GPR173: variants seen among roughly 807,000 people sequenced by gnomAD.
GPR173 encodes the protein probable G protein-coupled receptor 173.
A neutral mutation model predicts 13.9 loss-of-function variants in GPR173; 2 were observed. That is an observed-to-expected ratio of 0.14 (90% CI 0.06 to 0.45). GPR173 has a LOEUF of 0.45. Among genes scored for constraint, GPR173 ranks in the 20% least tolerant of loss-of-function variants. The pLI is 0.98. For missense variants in GPR173, 202 were observed against 340.5 expected (o/e 0.59, Z 3.20); for synonymous variants, 131 against 141.0 (o/e 0.93, Z 0.50).
intron 1 of GPR173, among the ~76,000 whole-genome samples, chrX:53,073,430 G>C (rs1382494359): frequency 2.7e-5 from 3 of 109,978 alleles, no homozygotes; most frequent in Non-Finnish European, 5.7e-5. Flanking sequence ...CTTCCCTCTG[G>C]GACCTGTGCT....
chrX:53,071,276 C>T (rs1245546589), intron 1 of GPR173, among the ~76,000 whole-genome samples: 2 of 112,187 alleles, frequency 1.8e-5, no homozygotes, highest in Non-Finnish European at 3.8e-5. Context: ...TGCCCGGCCC[C>T]CAATGTCTTA....
chrX:53,078,012 CTCTCTG>C lies in GPR173; in HGVS notation c.*275_*280del, dbSNP rs1216089051. 2.1e-4 allele frequency: 71 copies of C among 330,525 alleles called. No individual in the cohort carries two copies. The African/African-American group carries it at 2.3e-3, about 11-fold the overall frequency. 27.2% of individuals were successfully genotyped at this position (330,525 alleles called of 1,213,427 possible). ...CTACAATCTCATTCTCTCTCTCTCT[CTCTCTG>C]TCTCTCTCTCTCTCTCTCTCTCTCT... On this transcript the variant is annotated 3_prime_UTR_variant, in exon 2 of 2. Coordinates refer to ENST00000332582, the MANE Select transcript of GPR173 (RefSeq NM_018969.6).
chrX:53,073,425 C>CAT (rs1932293791), intron 1 of GPR173, among the ~76,000 whole-genome samples: 1 of 110,494 alleles, frequency 9.1e-6, no homozygotes, highest in Non-Finnish European at 1.9e-5. Flanking sequence ...ACTGCCTTCC[C>CAT]TCTGGGACCT....
At chrX:53,074,980 A>T (rs1442461929) in intron 1 of GPR173, among the ~76,000 whole-genome samples, 1 of 102,746 alleles carries the variant, frequency 9.7e-6, no homozygotes, top group Non-Finnish European at 2.0e-5. Context: ...ATTCTGTTCC[A>T]TCCTAGATCA....
intron 1 of GPR173, among the ~76,000 whole-genome samples, chrX:53,073,603 C>T (rs782206239): frequency 1.9e-5 from 2 of 107,103 alleles, no homozygotes; most frequent in African/African-American, 6.8e-5. Context: ...CCCATTTAAT[C>T]CCTCAATCAA....
chrX:53,071,083 T>G (rs1200253179), intron 1 of GPR173: 2 of 110,958 alleles, frequency 1.8e-5, no homozygotes, highest in East Asian at 5.7e-4. Context: ...TTCTCCTGCC[T>G]CAGCCTCCCC....
intron 1 of GPR173, among the ~76,000 whole-genome samples, chrX:53,069,596 T>TC (rs1932231667): frequency 8.9e-6 from 1 of 112,711 alleles, no homozygotes. Flanking sequence ...AGGATGTGTA[T>TC]GTCAGTTAAG....
chrX:53,052,232 G>A (rs55850908), intron 1 of GPR173, among the ~76,000 whole-genome samples: 33,494 of 110,281 alleles, frequency 0.3, 5,000 homozygotes, highest in African/African-American at 0.59. Context: ...ATGTGAGTAT[G>A]GCTGTGTGTG....
In GPR173 at chrX:53,077,781, G is replaced by T; in HGVS notation, c.*38G>T. Reference sequence around the variant, plus strand: ...GGCAGACAGGCAGAGAGAAGGTCATGGCCACCGTGATGGGGCCAACAGCAA... The same window carrying T: ...GGCAGACAGGCAGAGAGAAGGTCATTGCCACCGTGATGGGGCCAACAGCAA... On this transcript the variant is annotated 3_prime_UTR_variant, in exon 2 of 2. Transcript: ENST00000332582. 8.9e-7 allele frequency: 1 copy of T among 1,121,244 alleles called. No homozygotes were observed. The highest frequency in any genetic ancestry group is 1.2e-6 in the Non-Finnish European group (1 of 822,474). The allele number at this position is 1,121,244 out of a possible 1,213,427, so 92.4% of individuals were successfully genotyped here.
chrX:53,070,489 G>A (rs1932242831), intron 1 of GPR173, among the ~76,000 whole-genome samples: 1 of 111,699 alleles, frequency 9.0e-6, no homozygotes, highest in Non-Finnish European at 1.9e-5. Context: ...CTCTGCATAT[G>A]TAATTTTTTT....
intron 1 of GPR173, among the ~76,000 whole-genome samples, chrX:53,059,433 T>G (rs1375556195): frequency 9.4e-6 from 1 of 106,852 alleles, no homozygotes; most frequent in Non-Finnish European, 1.9e-5. Flanking sequence ...TTAAATCAGC[T>G]CAACAAATAT....
At chrX:53,073,432 A>G (rs1932294074) in intron 1 of GPR173, among the ~76,000 whole-genome samples, 1 of 109,779 alleles carries the variant, frequency 9.1e-6, no homozygotes, top group African/African-American at 3.3e-5. Flanking sequence ...TCCCTCTGGG[A>G]CCTGTGCTGT....
At chrX:53,069,134 A>AT (rs1279623795) in intron 1 of GPR173, among the ~76,000 whole-genome samples, 1 of 106,260 alleles carries the variant, frequency 9.4e-6, no homozygotes, top group African/African-American at 3.4e-5. Context: ...TAATTTTTGT[A>AT]TTTTTACTAG....
intron 1 of GPR173, among the ~76,000 whole-genome samples, chrX:53,053,467 T>C (rs1184130156): frequency 8.8e-6 from 1 of 113,320 alleles, no homozygotes; most frequent in African/African-American, 3.2e-5. Context: ...ATGGGCATTA[T>C]GTCATGTGAA....
chrX:53,063,232 G>C (rs1254800832), intron 1 of GPR173, among the ~76,000 whole-genome samples: 1 of 110,746 alleles, frequency 9.0e-6, no homozygotes, highest in Non-Finnish European at 1.9e-5. Context: ...TTAGCACCAT[G>C]TGGACACCAT....
rs782289261 is a variant in GPR173, at chrX:53,058,504, A to G, written c.-98+9020A>G. Among the ~76,000 whole-genome samples the G allele has an allele frequency of 3.6e-5, 4 of 110,301 alleles. No individual in the cohort carries two copies. In the South Asian group the frequency reaches 1.2e-3, roughly 32 times the overall value. On this transcript the variant is annotated intron_variant, in intron 1 of 1. Coordinates refer to ENST00000332582, the MANE Select transcript of GPR173 (RefSeq NM_018969.6). Reference sequence around the variant, plus strand: ...CATCTGAGGGTCTCTCTGTATTTATAAACCTCAGTGGCTATGTGGGTGTGT... The same window carrying G: ...CATCTGAGGGTCTCTCTGTATTTATGAACCTCAGTGGCTATGTGGGTGTGT...
At chrX:53,072,760 T>G (rs1556804925) in intron 1 of GPR173, among the ~76,000 whole-genome samples, 2 of 111,319 alleles carry the variant, frequency 1.8e-5, no homozygotes, top group Non-Finnish European at 3.8e-5. Flanking sequence ...TAAGTGTGTG[T>G]GTGTTTACAT....
At chrX:53,071,940 G>A (rs1340951755) in intron 1 of GPR173, among the ~76,000 whole-genome samples, 1 of 111,093 alleles carries the variant, frequency 9.0e-6, no homozygotes, top group Non-Finnish European at 1.9e-5. Flanking sequence ...GTCCACAGCA[G>A]TAGACCGTTT....
At chrX:53,051,013 C>T (rs1030588222) in intron 1 of GPR173, among the ~76,000 whole-genome samples, 4 of 112,330 alleles carry the variant, frequency 3.6e-5, no homozygotes, top group African/African-American at 1.3e-4. Context: ...TATGTGTCTC[C>T]CTGTTGAGGG....
Sources: allele counts gnomAD v4.1 joint callset (sites outside exome capture counted in the v4.1 genomes callset), GRCh38; gene constraint gnomAD v4.1.1; transcripts MANE v1.5; gene names NCBI Gene and HGNC (gene_info 2026-07-23, HGNC 2026-07-21).